Variants in SBF2 observed in about 807,000 individuals in gnomAD.
SBF2 encodes the protein SET binding factor 2.
SBF2 carries 112 observed loss-of-function variants against 225.2 expected under a neutral mutation model. The observed-to-expected ratio is 0.50, with a 90% CI of 0.43 to 0.58. The LOEUF (loss-of-function observed/expected upper bound fraction) is 0.58, where lower values mean the gene tolerates loss of function less well. Among genes scored for constraint, SBF2 ranks in the 20% least tolerant of loss-of-function variants. The pLI is 0.00. For missense variants in SBF2, 1,996 were observed against 2,206.2 expected, an observed-to-expected ratio of 0.90 and a Z score of 1.91; for synonymous variants, 763 against 773.3, an observed-to-expected ratio of 0.99 and a Z score of 0.22.
chr11:9,916,598 C>CTTTTTTTT (rs538961208), intron 16 of SBF2, among the ~76,000 whole-genome samples: 1 of 138,752 alleles, frequency 7.2e-6, no homozygotes, highest in African/African-American at 2.7e-5. Flanking sequence ...CTTTCTTTTC[C>CTTTTTTTT]TTTTTTTTCT....
chr11:9,849,629 T>C (rs1005909461), intron 22 of SBF2, among the ~76,000 whole-genome samples: 1 of 152,224 alleles, frequency 6.6e-6, no homozygotes, highest in Non-Finnish European at 1.5e-5. Context: ...AGTTAGCATA[T>C]CCTTCCACAA....
intron 16 of SBF2, among the ~76,000 whole-genome samples, chr11:9,951,805 A>G (rs1244794987): frequency 6.6e-6 from 1 of 152,188 alleles, no homozygotes; most frequent in Non-Finnish European, 1.5e-5. Flanking sequence ...AAAATGGAAA[A>G]TGAAAGCAGA....
At chr11:10,262,995 TAATA>T (rs1961591007) in intron 1 of SBF2, among the ~76,000 whole-genome samples, 1 of 152,108 alleles carries the variant, frequency 6.6e-6, no homozygotes, top group Admixed American at 6.5e-5. Flanking sequence ...TCTTTAAAAT[TAATA>T]AATATTTTAT....
chr11:10,258,499 T>G (rs1050557688), intron 1 of SBF2, among the ~76,000 whole-genome samples: 1 of 152,226 alleles, frequency 6.6e-6, no homozygotes, highest in African/African-American at 2.4e-5. Context: ...CTGGAACTCA[T>G]GTTTTGTGGA....
intron 1 of SBF2, among the ~76,000 whole-genome samples, chr11:10,258,081 T>TACATACACAC (rs1555098200): frequency 1.4e-5 from 2 of 138,940 alleles, no homozygotes; most frequent in Non-Finnish European, 3.1e-5. Context: ...TACACACACA[T>TACATACACAC]ACACACACAC....
At chr11:9,976,748 TTTC>T (rs1449474547) in intron 13 of SBF2, among the ~76,000 whole-genome samples, 2 of 139,262 alleles carry the variant, frequency 1.4e-5, no homozygotes, top group East Asian at 2.0e-4. Context: ...ACTGATTTCT[TTTC>T]TTTTTTTTTG....
intron 38 of SBF2, among the ~76,000 whole-genome samples, chr11:9,782,294 A>ATAAAG (rs1294053038): frequency 6.6e-6 from 1 of 152,230 alleles, no homozygotes; most frequent in East Asian, 1.9e-4. Context: ...TAAGAAAAAG[A>ATAAAG]TAAAGTAGAA....
chr11:9,821,883 C>G (rs1347385145), intron 28 of SBF2, among the ~76,000 whole-genome samples: 1 of 152,172 alleles, frequency 6.6e-6, no homozygotes, highest in Non-Finnish European at 1.5e-5. Context: ...TACTGCGAGT[C>G]ATGATCAAAC....
Position 9,817,001 on chromosome 11 carries a change from T to A in SBF2, c.3817A>T (p.Ser1273Cys). The change falls in exon 29 of 40, where the codon AGC becomes TGC. Residue 1273 changes from serine (S) to cysteine (C), a missense_variant. Physicochemically the swap from Ser to Cys is moderately radical, Grantham distance 112. Coordinates refer to ENST00000256190, the MANE Select transcript of SBF2 (RefSeq NM_030962.4). ...GTTGGAGAGCTGATCAAGCGAGTGC[T>A]AGAGCGAAGACTTGCCCACACACCT... is the stretch of plus-strand genomic sequence containing the variant. ...SPGVWASLRS[S>C]TRLISSPTSF... The A allele has an allele frequency of 1.2e-6, 2 of 1,614,168 alleles. No homozygotes were observed. Among genetic ancestry groups the A allele is most frequent in the Non-Finnish European group, 1.7e-6 (2 of 1,180,030 alleles).
At chr11:10,273,023 T>C (rs2957673) in intron 1 of SBF2, among the ~76,000 whole-genome samples, 3,096 of 151,770 alleles carry the variant, frequency 0.02, 100 homozygotes, top group African/African-American at 0.063. Flanking sequence ...TGAGCCAAGA[T>C]CGCGCCACTG....
intron 16 of SBF2, chr11:9,959,876 C>A: frequency 2.3e-6 from 1 of 442,454 alleles, no homozygotes; most frequent in South Asian, 2.0e-5. Flanking sequence ...GGCCACTGTG[C>A]GCTCAGAAAC....
intron 1 of SBF2, among the ~76,000 whole-genome samples, chr11:10,254,838 T>A (rs61889815): frequency 3.1e-5 from 4 of 127,286 alleles, no homozygotes; most frequent in African/African-American, 1.2e-4. Flanking sequence ...GAGGTGGAGG[T>A]TGCAGTGAGC....
intron 2 of SBF2, among the ~76,000 whole-genome samples, chr11:10,106,021 T>C (rs1230405628): frequency 6.6e-6 from 1 of 152,178 alleles, no homozygotes; most frequent in Non-Finnish European, 1.5e-5. Flanking sequence ...ATGTGTGTAG[T>C]TTTATTTTTT....
chr11:10,080,206 C>A (rs1177065563), intron 2 of SBF2, among the ~76,000 whole-genome samples: 1 of 145,696 alleles, frequency 6.9e-6, no homozygotes, highest in East Asian at 2.0e-4. Context: ...CGAGGTCACA[C>A]CACTGCACTC....
In SBF2 at chr11:10,133,149, A is replaced by G. The variant is rs1189331677; in HGVS notation, c.141+60753T>C. Among the ~76,000 whole-genome samples, 5 of 149,236 alleles carry G rather than the reference A, an allele frequency of 3.4e-5. 1 individual carries two copies. The highest frequency in any genetic ancestry group is 2.0e-4 in the Admixed American group (3 of 14,750). On this transcript the variant is annotated intron_variant, in intron 2 of 39. Transcript: ENST00000256190. ...TGGTGCACTCACAAACCTTGAGCTA[A>G]ACACAGGGTGCTGATTGGTGTATTT...
Position 10,254,900 on chromosome 11 carries a change from C to CAAAAAAAAAAAA in SBF2, c.55+39103_55+39114dup, listed in dbSNP as rs71034757. Among the ~76,000 whole-genome samples, 33 of 44,074 alleles carry CAAAAAAAAAAAA rather than the reference C, an allele frequency of 7.5e-4. 2 individuals are homozygous for CAAAAAAAAAAAA. Among genetic ancestry groups the CAAAAAAAAAAAA allele is most frequent in the African/African-American group, 1.8e-3 (19 of 10,554 alleles). The allele number at this position is 44,074 out of a possible 152,430, so 28.9% of individuals were successfully genotyped here. A position where few individuals can be genotyped will look rare whatever the true frequency, so the allele number is the denominator to read the frequency against. ...TGGGTGACAGAGTGAGACTCTGTCT[C>CAAAAAAAAAAAA]AAAAAAAAAAAAAAAAAAAAAAAAA... On this transcript the variant is annotated intron_variant, in intron 1 of 39. Transcript: ENST00000256190.
At position 9,850,157 on chromosome 11, in the gene SBF2, A is replaced by T; in HGVS notation, c.2672T>A (p.Val891Asp). ...GEEIVCEGLR[V>D]LLDPDGREEA... ...TTCTCTTCCATCAGGATCCAGCAAGACTCGAAGACCCTCACAGACAATTTC... is the reference window on the plus strand; with the variant it reads ...TTCTCTTCCATCAGGATCCAGCAAGTCTCGAAGACCCTCACAGACAATTTC... The change falls in exon 22 of 40, where the codon GTC (valine) becomes GAC (aspartate). Residue 891 changes from valine to aspartate, a missense_variant. Physicochemically the swap from Val to Asp is radical, Grantham distance 152. Transcript: ENST00000256190. The T allele has an allele frequency of 6.2e-7, 1 of 1,614,048 alleles. No homozygotes were observed. Among genetic ancestry groups the T allele is most frequent in the East Asian group, 2.2e-5 (1 of 44,880 alleles).
At chr11:10,289,827 C>T (rs1964051840) in intron 1 of SBF2, among the ~76,000 whole-genome samples, 1 of 152,180 alleles carries the variant, frequency 6.6e-6, no homozygotes. Context: ...TCACACCCTC[C>T]CCGCAGCATT....
intron 2 of SBF2, among the ~76,000 whole-genome samples, chr11:10,100,451 C>T (rs1443469876): frequency 6.6e-6 from 1 of 152,196 alleles, no homozygotes; most frequent in African/African-American, 2.4e-5. Context: ...CTGATTCTGG[C>T]AATCTCTCTA....
Sources: allele counts gnomAD v4.1 joint callset (sites outside exome capture counted in the v4.1 genomes callset), GRCh38; gene constraint gnomAD v4.1.1; transcripts MANE v1.5; gene names NCBI Gene and HGNC (gene_info 2026-07-23, HGNC 2026-07-21).